FECH: variants seen among roughly 807,000 people sequenced by gnomAD.
The protein encoded by FECH is ferrochelatase, also known as ferrochelatase, mitochondrial.
Under a neutral mutation model 56.9 loss-of-function variants are expected in FECH, and 40 were observed. The observed-to-expected ratio is 0.70, with a 90% CI of 0.55 to 0.92. The LOEUF (loss-of-function observed/expected upper bound fraction) is 0.92. FECH is among the 40% of genes least tolerant of loss of function. The pLI, the probability that FECH is intolerant of heterozygous loss-of-function variation, is 0.00. For synonymous variants in FECH, 175 were observed against 198.6 expected (o/e 0.88, Z 1.00); for missense variants, 431 against 529.1 (o/e 0.81, Z 1.82).
chr18:57,558,979 C>T (rs1364859414), intron 7 of FECH, among the ~76,000 whole-genome samples, 166 bp downstream of exon 7: 5 of 152,096 alleles, frequency 3.3e-5, no homozygotes, highest in East Asian at 1.9e-4. Context: ...TTCATTGTTA[C>T]GAGGTTTTAA....
At chr18:57,563,556 G>C (rs2050973574) in intron 5 of FECH, among the ~76,000 whole-genome samples, 1 of 108,010 alleles carries the variant, frequency 9.3e-6, no homozygotes, top group Non-Finnish European at 1.8e-5. Context: ...CTCCAGCCTG[G>C]GCAACAAGAG....
At position 57,562,940 on chromosome 18, in the gene FECH, C is replaced by A. The variant is rs150675412; in HGVS notation, c.639G>T (p.Val213=). The change falls in exon 6 of 11, where the codon GTG becomes GTT. Residue 213 remains valine, a synonymous_variant. Coordinates refer to ENST00000262093, the MANE Select transcript of FECH (RefSeq NM_000140.5). ...LNAIYRYYNQ[V]GRKPTMKWST... is the part of the protein sequence containing the mutation. ...TCCACTTCATCGTGGGCTTCCGTCC[C>A]ACTTGATTATAGTATCTGTAAATGG... 2.2e-5 allele frequency: 35 copies of A among 1,614,064 alleles called. No homozygotes were observed. The African/African-American group carries it at 4.5e-4, about 21-fold the overall frequency.
intron 1 of FECH, among the ~76,000 whole-genome samples, chr18:57,584,325 CAA>C (rs11383428): frequency 2.0e-5 from 2 of 99,878 alleles, no homozygotes; most frequent in Non-Finnish European, 1.9e-5. Flanking sequence ...GACTCGGTCT[CAA>C]AAAAAAAAAA....
intron 2 of FECH, among the ~76,000 whole-genome samples, chr18:57,573,596 C>G (rs2051145391): frequency 6.6e-6 from 1 of 152,320 alleles, no homozygotes; most frequent in Admixed American, 6.5e-5. Context: ...TGATATCAGT[C>G]TTCACTCCGC....
At chr18:57,551,409 A>C (rs1254407377) in intron 9 of FECH, 35 bp from the exon 10 acceptor site, 1 of 1,553,816 alleles carries the variant, frequency 6.4e-7, no homozygotes, top group Non-Finnish European at 8.9e-7. Context: ...AAAAACACAG[A>C]TATATTTTAT....
intron 4 of FECH, among the ~76,000 whole-genome samples, chr18:57,568,770 T>C (rs2051052162): frequency 6.6e-6 from 1 of 152,218 alleles, no homozygotes; most frequent in African/African-American, 2.4e-5. Context: ...GCATGTACAA[T>C]AGTTCAAATG....
At chr18:57,572,985 C>T (rs1374533907) in intron 3 of FECH, 9 of 499,832 alleles carry the variant, frequency 1.8e-5, no homozygotes, top group Non-Finnish European at 3.2e-5. Flanking sequence ...TTTAAAGGTA[C>T]CTAGGCTATG....
chr18:57,579,733 A>C (rs1599014102), intron 2 of FECH, among the ~76,000 whole-genome samples: 1 of 152,258 alleles, frequency 6.6e-6, no homozygotes, highest in African/African-American at 2.4e-5. Flanking sequence ...CCTGTACAGA[A>C]CATACATTTC....
At chr18:57,583,597 C>A (rs1599018779) in intron 1 of FECH, among the ~76,000 whole-genome samples, 1 of 152,208 alleles carries the variant, frequency 6.6e-6, no homozygotes, top group Admixed American at 6.5e-5. Flanking sequence ...TATAGACTTG[C>A]CCATTTATGA....
Position 57,550,883 on chromosome 18 carries a change from C to T in FECH, c.1138-37G>A, listed in dbSNP as rs1626770. 1.9e-6 allele frequency: 3 copies of T among 1,611,906 alleles called. No individual in the cohort carries two copies. In the African/African-American group the frequency reaches 4.0e-5, roughly 22 times the overall value. On this transcript the variant is annotated intron_variant, in intron 10 of 10. Coordinates refer to ENST00000262093, the MANE Select transcript of FECH (RefSeq NM_000140.5). ...ACAAGAGGCAAAGACGCATGAGAAG[C>T]ACAGGGTCTGCTCGTCTGCCATGCC...
rs1220299717 is a variant in FECH, at chr18:57,584,962, G to A, written c.67+1592C>T. 3.4e-5 allele frequency among the ~76,000 whole-genome samples: 5 copies of A among 149,234 alleles called. No homozygotes were observed. The East Asian group carries it at 7.9e-4, about 24-fold the overall frequency. ...GGATTTCAAGGCTGCAGTGAACTATGATGGCACCACCGTACACCAGCCTGA... is the reference window on the plus strand; with the variant it reads ...GGATTTCAAGGCTGCAGTGAACTATAATGGCACCACCGTACACCAGCCTGA... On this transcript the variant is annotated intron_variant, in intron 1 of 10. Transcript: ENST00000262093.
intron 2 of FECH, among the ~76,000 whole-genome samples, chr18:57,578,433 G>A (rs572603204): frequency 6.6e-6 from 1 of 152,284 alleles, no homozygotes; most frequent in Non-Finnish European, 1.5e-5. Context: ...CCAGCACTTT[G>A]GGAAGCCATG....
chr18:57,555,104 A>C (rs1012503325), intron 7 of FECH, 152 bp from the exon 8 acceptor site: 1 of 699,844 alleles, frequency 1.4e-6, no homozygotes, highest in African/African-American at 1.8e-5. Flanking sequence ...TCAATCACCA[A>C]ACTTCCTTAG....
chr18:57,570,110 T>C (rs144890385), intron 4 of FECH, among the ~76,000 whole-genome samples: 1 of 149,590 alleles, frequency 6.7e-6, no homozygotes, highest in African/African-American at 2.5e-5. Context: ...CTCAGGCTGG[T>C]CTCAAACTCC....
intron 7 of FECH, 149 bp from the exon 8 acceptor site, chr18:57,555,101 C>T (rs2050852176): frequency 4.3e-6 from 3 of 703,394 alleles, no homozygotes; most frequent in Non-Finnish European, 7.7e-6. Context: ...AGTTCAATCA[C>T]CAAACTTCCT....
At chr18:57,584,542 T>A (rs901615619) in intron 1 of FECH, among the ~76,000 whole-genome samples, 8 of 152,128 alleles carry the variant, frequency 5.3e-5, no homozygotes, top group Admixed American at 3.9e-4. Flanking sequence ...TGGATCCTTG[T>A]GGGCGAGGCA....
chr18:57,554,937 C>T lies in FECH; in HGVS notation c.820G>A (p.Asp274Asn), dbSNP rs146269992. Residue 274 changes from aspartate (D) to asparagine (N), a missense_variant, in exon 8 of 11, where the codon GAC (aspartate) becomes AAC (asparagine). Transcript: ENST00000262093. ...GCGCTTACCTCCTGAGGATATGGGT[C>T]GCCTCTGTTGACCACCTGCAGCAGA... ...SLPMSVVNRG[D>N]PYPQEVSATV... 1.4e-4 allele frequency: 234 copies of T among 1,613,932 alleles called. No homozygotes were observed. Among genetic ancestry groups the T allele is most frequent in the Non-Finnish European group, 1.8e-4 (210 of 1,180,008 alleles).
intron 5 of FECH, among the ~76,000 whole-genome samples, chr18:57,565,151 C>T (rs1468250416): frequency 6.6e-6 from 1 of 152,202 alleles, no homozygotes; most frequent in African/African-American, 2.4e-5. Context: ...AAATAACAAT[C>T]TTCTTAATTT....
chr18:57,578,964 A>T lies in FECH; in HGVS notation c.194+1109T>A, dbSNP rs368593795. 1.1e-4 allele frequency among the ~76,000 whole-genome samples: 17 copies of T among 148,358 alleles called. No homozygotes were observed. The East Asian group carries it at 3.2e-3, about 28-fold the overall frequency. On this transcript the variant is annotated intron_variant, in intron 2 of 10. Coordinates refer to ENST00000262093, the MANE Select transcript of FECH (RefSeq NM_000140.5). ...AAAGAGCAAGACTCCCTCTCAAAAA[A>T]AAAATAAAATTACAGGCTCATGCCT...
Sources: gnomAD v4.1 joint callset for allele counts (sites outside exome capture counted in the v4.1 genomes callset) on GRCh38, gnomAD v4.1.1 for gene constraint, MANE v1.5 for transcripts, NCBI Gene and HGNC (gene_info 2026-07-23, HGNC 2026-07-21) for gene names.